The following ZNF536 variants were observed in gnomAD, a reference collection of about 807,000 sequenced individuals.
The protein encoded by ZNF536 is zinc finger protein 536.
Under a neutral mutation model 84.5 loss-of-function variants are expected in ZNF536, and 13 were observed. The ratio of observed to expected loss-of-function variants is 0.15; its 90% CI spans 0.10 to 0.24. ZNF536 has a LOEUF of 0.24. ZNF536 is among the 10% of genes least tolerant of loss of function. ZNF536 has a pLI of 1.00. For missense variants in ZNF536, 1,536 were observed against 1,747.5 expected (o/e 0.88, Z 2.16); for synonymous variants, 811 against 742.5 (o/e 1.09, Z -1.50).
intron 1 of ZNF536, among the ~76,000 whole-genome samples, chr19:30,262,244 C>T (rs1013438947): frequency 2.6e-5 from 4 of 152,222 alleles, no homozygotes; most frequent in African/African-American, 4.8e-5. Context: ...TCCTCATTGT[C>T]CTCTCTTCCT....
At chr19:30,621,294 T>A (rs1415216195) in intron 1 of ZNF536, among the ~76,000 whole-genome samples, 1 of 152,062 alleles carries the variant, frequency 6.6e-6, no homozygotes, top group East Asian at 1.9e-4. Flanking sequence ...CTCTCATAGA[T>A]CATTACAGAT....
intron 1 of ZNF536, among the ~76,000 whole-genome samples, chr19:30,423,556 C>T (rs544191388): frequency 6.6e-6 from 1 of 152,330 alleles, no homozygotes; most frequent in Admixed American, 6.5e-5. Flanking sequence ...CACTGCTGGG[C>T]ACTGGGACCT....
chr19:30,264,201 C>T (rs1418376159), intron 1 of ZNF536, among the ~76,000 whole-genome samples: 1 of 152,218 alleles, frequency 6.6e-6, no homozygotes, highest in Middle Eastern at 3.2e-3. Flanking sequence ...GAGGCCTGCC[C>T]TCTATCCCCA....
intron 1 of ZNF536, among the ~76,000 whole-genome samples, chr19:30,696,686 G>C (rs1336464255): frequency 6.6e-6 from 1 of 152,194 alleles, no homozygotes; most frequent in Non-Finnish European, 1.5e-5. Flanking sequence ...GGATGAAGTT[G>C]CTGGGGAAGG....
intron 1 of ZNF536, among the ~76,000 whole-genome samples, chr19:30,246,487 C>T (rs780272297): frequency 1.3e-5 from 2 of 152,198 alleles, no homozygotes; most frequent in Non-Finnish European, 2.9e-5. Context: ...GCACATATTT[C>T]CTCTCAAGTA....
At chr19:30,443,215 G>A (rs535607043) in intron 1 of ZNF536, among the ~76,000 whole-genome samples, 3 of 152,198 alleles carry the variant, frequency 2.0e-5, no homozygotes, top group African/African-American at 4.8e-5. Flanking sequence ...GTACAGGTGC[G>A]ACAATGGGGC....
At chr19:30,466,584 A>AAGAAAGAGAGAGAGAGAGAG (rs1555775076) in intron 2 of ZNF536, among the ~76,000 whole-genome samples, 2 of 144,374 alleles carry the variant, frequency 1.4e-5, no homozygotes, top group Admixed American at 1.4e-4. Flanking sequence ...GAAAGAAAGA[A>AAGAAAGAGAGAGAGAGAGAG]AGAGAGAGAG....
At position 30,406,852 on chromosome 19, in the gene ZNF536, T is replaced by C. The variant is rs147719658; in HGVS notation, c.-3+34296T>C. ...CTATCATGTCAGTTTCTCATGGTGATAACCTTTTAAAAGATGTTTGATCCC... is the reference window on the plus strand; with the variant it reads ...CTATCATGTCAGTTTCTCATGGTGACAACCTTTTAAAAGATGTTTGATCCC... On this transcript the variant is annotated intron_variant, in intron 1 of 4. Coordinates refer to ENST00000355537, the MANE Select transcript of ZNF536 (RefSeq NM_014717.3). Among the ~76,000 whole-genome samples the C allele has an allele frequency of 5.0e-3, 757 of 152,310 alleles. 13 individuals carry two copies. Among genetic ancestry groups the C allele is most frequent in the African/African-American group, 0.017 (716 of 41,562 alleles).
intron 1 of ZNF536, among the ~76,000 whole-genome samples, chr19:30,655,267 T>TATTGCAATGACA (rs2049866584): frequency 1.3e-5 from 2 of 152,206 alleles, no homozygotes; most frequent in South Asian, 4.1e-4. Flanking sequence ...GGTAGCCGGG[T>TATTGCAATGACA]GACTGCAAGA....
intron 1 of ZNF536, among the ~76,000 whole-genome samples, chr19:30,264,347 A>G (rs2025383438): frequency 6.6e-6 from 1 of 151,464 alleles, no homozygotes; most frequent in Non-Finnish European, 1.5e-5. Flanking sequence ...AGGGGGTTTC[A>G]CACCCTCCCC....
intron 2 of ZNF536, among the ~76,000 whole-genome samples, chr19:30,450,039 AAG>A (rs1466149450): frequency 1.3e-5 from 2 of 151,420 alleles, no homozygotes; most frequent in Non-Finnish European, 3.0e-5. Context: ...GAAAAAGAAA[AAG>A]AAAAAAAATT....
intron 2 of ZNF536, among the ~76,000 whole-genome samples, chr19:30,462,602 T>C (rs2053192239): frequency 6.6e-6 from 1 of 151,886 alleles, no homozygotes; most frequent in South Asian, 2.1e-4. Flanking sequence ...TGTCAGTATC[T>C]TTGTGGTTAT....
intron 1 of ZNF536, among the ~76,000 whole-genome samples, chr19:30,424,350 T>C (rs923307523): frequency 1.3e-5 from 2 of 152,018 alleles, no homozygotes; most frequent in Non-Finnish European, 2.9e-5. Context: ...GGAATCCCTC[T>C]CTCCAGGGCA....
intron 2 of ZNF536, 47 bp from the exon 3 acceptor site, chr19:30,534,800 C>A (rs2145929179): frequency 6.4e-7 from 1 of 1,554,430 alleles, no homozygotes; most frequent in Non-Finnish European, 8.7e-7. Context: ...GCGAACAACT[C>A]CTGACATGTG....
chr19:30,241,579 C>T (rs929384882), intron 1 of ZNF536, among the ~76,000 whole-genome samples: 1 of 152,136 alleles, frequency 6.6e-6, no homozygotes, highest in South Asian at 2.1e-4. Context: ...TGTGCTAGGT[C>T]TGTCTAAGGA....
chr19:30,369,223 C>T (rs576019325), upstream of ZNF536, among the ~76,000 whole-genome samples: 68 of 152,264 alleles, frequency 4.5e-4, no homozygotes, highest in Admixed American at 1.7e-3. Context: ...GTTTCAGCTT[C>T]AAGAGCACAA....
At chr19:30,471,080 C>G (rs1308563838) in intron 2 of ZNF536, among the ~76,000 whole-genome samples, 1 of 151,844 alleles carries the variant, frequency 6.6e-6, no homozygotes, top group African/African-American at 2.4e-5. Flanking sequence ...CTCGTCCTCC[C>G]AAAGTGCTGG....
intron 1 of ZNF536, among the ~76,000 whole-genome samples, chr19:30,408,572 G>C (rs967408486): frequency 6.6e-6 from 1 of 152,192 alleles, no homozygotes; most frequent in Non-Finnish European, 1.5e-5. Flanking sequence ...GCCAATTTCA[G>C]CAGCTGGGAG....
At chr19:30,607,567 GA>G (rs2047943474) in intron 1 of ZNF536, among the ~76,000 whole-genome samples, 1 of 151,750 alleles carries the variant, frequency 6.6e-6, no homozygotes, top group South Asian at 2.1e-4. Context: ...TAAAAATACA[GA>G]AAAATTAGCT....
Sources: allele counts gnomAD v4.1 joint callset (sites outside exome capture counted in the v4.1 genomes callset), GRCh38; gene constraint gnomAD v4.1.1; transcripts MANE v1.5; gene names NCBI Gene and HGNC (gene_info 2026-07-23, HGNC 2026-07-21).